Variants in ANGEL2 observed in about 807,000 individuals in gnomAD.
ANGEL2 encodes RNA 2',3'-cyclic phosphatase ANGEL2.
A neutral mutation model predicts 66.0 loss-of-function variants in ANGEL2; 41 were observed. That is an observed-to-expected ratio of 0.62 (90% CI 0.48 to 0.81). The LOEUF (loss-of-function observed/expected upper bound fraction) is 0.81, where lower values mean the gene tolerates loss of function less well. Ranked by LOEUF, ANGEL2 falls within the 30% of genes least tolerant of loss-of-function variation. The pLI, the probability that ANGEL2 is intolerant of heterozygous loss-of-function variation, is 0.00. For synonymous variants in ANGEL2, 208 were observed against 226.5 expected, an observed-to-expected ratio of 0.92 and a Z score of 0.73; for missense variants, 561 against 641.6, an observed-to-expected ratio of 0.87 and a Z score of 1.36.
chr1:212,999,253 A>G (rs2076112711), intron 7 of ANGEL2, among the ~76,000 whole-genome samples: 1 of 152,086 alleles, frequency 6.6e-6, no homozygotes. Context: ...GGCTCAAGCA[A>G]TCCTCCCGCC....
intron 2 of ANGEL2, among the ~76,000 whole-genome samples, chr1:213,010,955 A>G (rs1572153453): frequency 6.6e-6 from 1 of 152,180 alleles, no homozygotes; most frequent in African/African-American, 2.4e-5. Flanking sequence ...TCAAACTTCT[A>G]CAACTTGTAG....
rs1394072796 is a variant in ANGEL2, at chr1:212,995,083, T to G, written c.1593A>C (p.Ser531=). 6.2e-7 allele frequency: 1 copy of G among 1,612,386 alleles called. No individual in the cohort carries two copies. Among genetic ancestry groups the G allele is most frequent in the East Asian group, 2.2e-5 (1 of 44,804 alleles). ...VNGLPNENNS[S]DHLPLLAKFR... ...ACTTTGCCAATAAAGGCAGATGATC[T>G]GAAGAGTTATTTTCGTTTGGAAGTC... The change falls in exon 9 of 9, where the codon TCA becomes TCC. Residue 531 remains serine, a synonymous_variant. Coordinates refer to ENST00000366962, the MANE Select transcript of ANGEL2 (RefSeq NM_144567.5).
intron 7 of ANGEL2, among the ~76,000 whole-genome samples, chr1:212,998,603 C>G (rs2076091535): frequency 6.8e-6 from 1 of 146,456 alleles, no homozygotes; most frequent in African/African-American, 2.5e-5. Flanking sequence ...CTCACTGCAA[C>G]CTCCACCTCC....
chr1:212,997,785 A>G (rs913659597), intron 7 of ANGEL2, among the ~76,000 whole-genome samples: 1 of 152,192 alleles, frequency 6.6e-6, no homozygotes, highest in African/African-American at 2.4e-5. Flanking sequence ...ATGGTTTATT[A>G]TATTTGCCCC....
intron 5 of ANGEL2, chr1:213,001,187 T>C (rs1386806339): frequency 2.9e-6 from 1 of 344,188 alleles, no homozygotes; most frequent in Non-Finnish European, 5.3e-6. Context: ...ACTAACACTA[T>C]TCATCATTTT....
chr1:213,013,363 A>G lies in ANGEL2; in HGVS notation c.115T>C (p.Trp39Arg), dbSNP rs779713806. 6.2e-7 allele frequency: 1 copy of G among 1,614,154 alleles called. No homozygotes were observed. The highest frequency in any genetic ancestry group is 8.5e-7 in the Non-Finnish European group (1 of 1,180,018). The stretch of plus-strand genomic sequence containing the variant: ...CAGCAACACCTTTGCAGATTCTCCC[A>G]CGGTGTAGTCCAGTCTCTGCCCAGA... The part of the protein sequence containing the change: ...RSLGRDWTTP[W>R]ENLQRCCWNR... The change falls in exon 2 of 9, where the codon TGG becomes CGG. Residue 39 changes from tryptophan (W) to arginine (R), a missense_variant. Trp to Arg is a moderately radical substitution (Grantham distance 101). Coordinates refer to ENST00000366962, the MANE Select transcript of ANGEL2 (RefSeq NM_144567.5).
rs1363468280 is a variant in ANGEL2, at chr1:213,015,655, C to T, written c.17G>A (p.Cys6Tyr). The change falls in exon 1 of 9, where the codon TGT becomes TAT. Residue 6 changes from cysteine to tyrosine, a missense_variant. By Grantham distance (194) the Cys-to-Tyr change is radical. Coordinates refer to ENST00000366962, the MANE Select transcript of ANGEL2 (RefSeq NM_144567.5). ...ACAGTGGCCGTAGCCCTTCCTCACA[C>T]AGCGCCAGGCTTCCATCTTCGCCCT... MEAWRCVRKGYGHCVV... is the reference protein window; with the variant it reads MEAWRYVRKGYGHCVV... The T allele has an allele frequency of 8.1e-6, 13 of 1,614,188 alleles. No individual in the cohort carries two copies. The highest frequency in any genetic ancestry group is 1.1e-5 in the Non-Finnish European group (13 of 1,180,038).
At chr1:213,004,458 G>A (rs76654911) in intron 5 of ANGEL2, among the ~76,000 whole-genome samples, 357 of 151,730 alleles carry the variant, frequency 2.4e-3, no homozygotes, top group African/African-American at 7.8e-3. Flanking sequence ...GTTACTTATC[G>A]GTGAAGTATC....
intron 5 of ANGEL2, among the ~76,000 whole-genome samples, chr1:213,004,725 A>G (rs2076270981): frequency 2.0e-5 from 3 of 151,790 alleles, no homozygotes; most frequent in Admixed American, 2.0e-4. Context: ...AAAATTAGCC[A>G]GGTGTGGTGG....
chr1:213,004,068 G>T (rs1278390824), intron 5 of ANGEL2, among the ~76,000 whole-genome samples: 1 of 152,016 alleles, frequency 6.6e-6, no homozygotes, highest in Non-Finnish European at 1.5e-5. Flanking sequence ...AGCCGGGCTT[G>T]GTGGTGCAAG....
rs1026119679 is a variant in ANGEL2 at position 213,015,825 on chromosome 1, C to G, written c.-154G>C. On this transcript the variant is annotated 5_prime_UTR_variant, in exon 1 of 9. Coordinates refer to ENST00000366962, the MANE Select transcript of ANGEL2 (RefSeq NM_144567.5). Reference sequence around the variant, plus strand: ...GGCATGCTGGGAGGTGCAGTCTCGCCGGCCGGCCTACACTCCATCTTGCGC... The same window carrying G: ...GGCATGCTGGGAGGTGCAGTCTCGCGGGCCGGCCTACACTCCATCTTGCGC... 3.1e-6 allele frequency: 3 copies of G among 954,530 alleles called. No individual in the cohort carries two copies. Among genetic ancestry groups the G allele is most frequent in the Non-Finnish European group, 4.7e-6 (3 of 637,038 alleles). 59.1% of individuals were successfully genotyped at this position (954,530 alleles called of 1,614,324 possible).
At chr1:212,996,640 AATATAT>A (rs34712162) in intron 8 of ANGEL2, among the ~76,000 whole-genome samples, 4 of 66,480 alleles carry the variant, frequency 6.0e-5, no homozygotes, top group African/African-American at 2.8e-4. Flanking sequence ...AAAAAAAAAA[AATATAT>A]ATATATATAT....
intron 7 of ANGEL2, among the ~76,000 whole-genome samples, chr1:212,999,522 T>C (rs2076121425): frequency 6.6e-6 from 1 of 152,192 alleles, no homozygotes; most frequent in Non-Finnish European, 1.5e-5. Flanking sequence ...TAGTAATATT[T>C]TCTCAAAACA....
At position 212,997,253 on chromosome 1, in the gene ANGEL2, G is replaced by T; in HGVS notation, c.1385C>A (p.Thr462Asn). The T allele has an allele frequency of 6.2e-7, 1 of 1,613,796 alleles. No individual in the cohort carries two copies. Among genetic ancestry groups the T allele is most frequent in the East Asian group, 2.2e-5 (1 of 44,864 alleles). The change falls in exon 8 of 9, where the codon ACT (threonine) becomes AAT (asparagine). Residue 462 changes from threonine to asparagine, a missense_variant. Transcript: ENST00000366962. The part of the protein sequence containing the change: ...SSVYSHYFPD[T>N]GIPEVTTCHS... ...ACAGGTGGTCACTTCTGGAATTCCA[G>T]TGTCAGGAAAGTAATGTGAATAAAC... is the stretch of plus-strand genomic sequence containing the variant.
chr1:213,008,086 A>T lies in ANGEL2; in HGVS notation c.642+124T>A, dbSNP rs147329955. The T allele has an allele frequency of 6.2e-3, 6,788 of 1,088,980 alleles. 222 individuals are homozygous for T. The East Asian group carries it at 0.063, about 10-fold the overall frequency. 67.5% of individuals were successfully genotyped at this position (1,088,980 alleles called of 1,614,324 possible). On this transcript the variant is annotated intron_variant, in intron 3 of 8. Transcript: ENST00000366962. ...TCCATGTTGGTCAGGCTGGTCTCAA[A>T]CTACCGACCTCAGGTGATCCACCTG...
chr1:213,010,200 C>A (rs1356800288), intron 2 of ANGEL2, among the ~76,000 whole-genome samples: 2 of 152,134 alleles, frequency 1.3e-5, no homozygotes, highest in Non-Finnish European at 2.9e-5. Context: ...AATCCTACCC[C>A]CAATGGCTCA....
intron 2 of ANGEL2, among the ~76,000 whole-genome samples, chr1:213,010,294 G>A (rs968646259): frequency 1.6e-4 from 24 of 151,678 alleles, no homozygotes; most frequent in African/African-American, 3.4e-4. Flanking sequence ...CTGATTGGCC[G>A]GGCGTGGTGG....
chr1:212,995,125 G>A lies in ANGEL2; in HGVS notation c.1551C>T (p.Asp517=). 1 of 1,611,580 alleles carries A rather than the reference G, an allele frequency of 6.2e-7. No individual in the cohort carries two copies. ...TTGGAAGTCCATTAACAGTCCATAA[G>A]TCTTGTTCTGTAAGAAGTGACAGTC... is the stretch of plus-strand genomic sequence containing the variant. ...LARLSLLTEQ[D]LWTVNGLPNE... The change falls in exon 9 of 9, where the codon GAC becomes GAT. Residue 517 remains aspartate (D), a synonymous_variant. Transcript: ENST00000366962.
chr1:213,005,408 G>T lies in ANGEL2; in HGVS notation c.759C>A (p.Gly253=), dbSNP rs768932087. 6 of 1,613,124 alleles carry T rather than the reference G, an allele frequency of 3.7e-6. No individual in the cohort carries two copies. Among genetic ancestry groups the T allele is most frequent in the Non-Finnish European group, 5.1e-6 (6 of 1,179,500 alleles). ...YKMRTGRKPD[G]CAICFKHSKF... is the part of the protein sequence containing the mutation. Reference sequence around the variant, plus strand: ...TGGAATGTTTGAAGCAAATAGCACAGCCATCAGGTTTCCTTCCTGTCCGCA... The same window carrying T: ...TGGAATGTTTGAAGCAAATAGCACATCCATCAGGTTTCCTTCCTGTCCGCA... The change falls in exon 5 of 9, where the codon GGC becomes GGA. Residue 253 remains glycine, a synonymous_variant. Transcript: ENST00000366962.
Sources: gnomAD v4.1 joint callset for allele counts (sites outside exome capture counted in the v4.1 genomes callset) on GRCh38, gnomAD v4.1.1 for gene constraint, MANE v1.5 for transcripts, NCBI Gene and HGNC (gene_info 2026-07-23, HGNC 2026-07-21) for gene names.